NASP: variants seen among roughly 807,000 people sequenced by gnomAD.
The protein encoded by NASP is NASP histone chaperone.
Under a neutral mutation model 89.5 loss-of-function variants are expected in NASP, and 24 were observed. The observed-to-expected ratio is 0.27, with a 90% CI of 0.19 to 0.38. NASP has a LOEUF of 0.38. Among genes scored for constraint, NASP ranks in the 10% least tolerant of loss-of-function variants. NASP has a pLI of 1.00. For missense variants in NASP, 848 were observed against 921.4 expected (o/e 0.92, Z 1.03); for synonymous variants, 306 against 324.7 (o/e 0.94, Z 0.62).
chr1:45,592,441 TTTGGGTTCATGTG>T (rs1381309266), intron 2 of NASP, among the ~76,000 whole-genome samples: 1 of 152,222 alleles, frequency 6.6e-6, no homozygotes, highest in Non-Finnish European at 1.5e-5. Flanking sequence ...TGAGATAAAA[TTTGGGTTCATGTG>T]TTATGGAAAA....
At chr1:45,598,617 A>C (rs1176539781) in intron 2 of NASP, among the ~76,000 whole-genome samples, 1 of 152,114 alleles carries the variant, frequency 6.6e-6, no homozygotes, top group African/African-American at 2.4e-5. Flanking sequence ...TCCAGTCCCC[A>C]TATCTCTCCC....
intron 11 of NASP, 102 bp from the exon 12 acceptor site, chr1:45,616,235 A>G: frequency 3.7e-6 from 4 of 1,071,006 alleles, no homozygotes; most frequent in Non-Finnish European, 5.8e-6. Context: ...CTAGCATTTC[A>G]GGTCTTAGTC....
chr1:45,609,363 T>C (rs1643963518), intron 6 of NASP: 1 of 152,212 alleles, frequency 6.6e-6, no homozygotes, highest in East Asian at 1.9e-4. Flanking sequence ...CTTCTACCTA[T>C]GTGCAGGTCC....
chr1:45,591,391 G>C, intron 2 of NASP, 121 bp downstream of exon 2: 2 of 702,980 alleles, frequency 2.8e-6, no homozygotes, highest in Middle Eastern at 4.2e-4. Flanking sequence ...GTGTCGCTTT[G>C]TTGCTCAGGC....
At position 45,602,004 on chromosome 1, in the gene NASP, G is replaced by T. The variant is rs564883356; in HGVS notation, c.108-251G>T. Among the ~76,000 whole-genome samples, 6 of 151,792 alleles carry T rather than the reference G, an allele frequency of 4.0e-5. 1 individual carries two copies. The highest frequency in any genetic ancestry group is 4.2e-4 in the South Asian group (2 of 4,802). ...CCTGACCTCGTGGTCTGCCCGCCTC[G>T]GCCTCCCAAAGTGCTGGGATTACAG... On this transcript the variant is annotated intron_variant, in intron 2 of 14. Transcript: ENST00000350030.
At position 45,584,214 on chromosome 1, in the gene NASP, G is replaced by A. The variant is rs1471983451; in HGVS notation, c.59+9G>A. ...CTGGTTTCTGCCGACAAGTAAGCGGGACTGTGGAAAGCTTAAGGCACTGGC... is the reference window on the plus strand; with the variant it reads ...CTGGTTTCTGCCGACAAGTAAGCGGAACTGTGGAAAGCTTAAGGCACTGGC... On this transcript the variant is annotated intron_variant, in intron 1 of 14. Coordinates refer to ENST00000350030, the MANE Select transcript of NASP (RefSeq NM_002482.4). 13 of 1,580,556 alleles carry A rather than the reference G, an allele frequency of 8.2e-6. No homozygotes were observed. The highest frequency in any genetic ancestry group is 1.1e-5 in the Non-Finnish European group (13 of 1,162,862).
intron 2 of NASP, among the ~76,000 whole-genome samples, chr1:45,597,298 C>CTTTTT (rs71056314): frequency 0.011 from 1,105 of 99,764 alleles, 54 homozygotes; most frequent in African/African-American, 0.04. Flanking sequence ...CAGAGCAAGA[C>CTTTTT]TTTTTTTTTT....
chr1:45,604,329 CTT>C (rs1218585851), intron 3 of NASP, among the ~76,000 whole-genome samples: 1 of 152,206 alleles, frequency 6.6e-6, no homozygotes, highest in African/African-American at 2.4e-5. Context: ...ATAGCTAAGA[CTT>C]AATACACAGT....
chr1:45,604,076 G>T (rs1440490186), intron 3 of NASP, among the ~76,000 whole-genome samples: 1 of 152,098 alleles, frequency 6.6e-6, no homozygotes, highest in Non-Finnish European at 1.5e-5. Context: ...AGGAAAATTT[G>T]AGATGTCTTA....
chr1:45,588,331 T>A (rs1644587678), intron 1 of NASP, among the ~76,000 whole-genome samples: 2 of 152,168 alleles, frequency 1.3e-5, no homozygotes, highest in South Asian at 2.1e-4. Context: ...CTCGAACTCC[T>A]GACCTCAGGT....
chr1:45,593,015 A>G (rs1287635351), intron 2 of NASP, among the ~76,000 whole-genome samples: 2 of 152,192 alleles, frequency 1.3e-5, no homozygotes, highest in Admixed American at 6.5e-5. Context: ...TAATATATAG[A>G]TTTTGGATAA....
chr1:45,604,694 C>T (rs1643887720), intron 3 of NASP, among the ~76,000 whole-genome samples: 1 of 152,142 alleles, frequency 6.6e-6, no homozygotes, highest in Non-Finnish European at 1.5e-5. Context: ...TTTGGCCCTA[C>T]ATTATGTATT....
intron 2 of NASP, among the ~76,000 whole-genome samples, chr1:45,599,291 C>G (rs1643776454): frequency 6.6e-6 from 1 of 152,044 alleles, no homozygotes; most frequent in Admixed American, 6.6e-5. Flanking sequence ...GTGATGTCAG[C>G]TAATTTTTGT....
intron 11 of NASP, 53 bp downstream of exon 11, chr1:45,615,524 T>C: frequency 3.3e-6 from 5 of 1,526,800 alleles, no homozygotes; most frequent in Non-Finnish European, 4.4e-6. Flanking sequence ...TTTATGTTAA[T>C]GTTCTATTTG....
intron 3 of NASP, among the ~76,000 whole-genome samples, chr1:45,603,269 GT>G (rs1557658173): frequency 1.3e-5 from 2 of 152,194 alleles, no homozygotes; most frequent in African/African-American, 4.8e-5. Flanking sequence ...CGAGGTTTGA[GT>G]TTCCTCAAAT....
At chr1:45,608,958 C>T (rs542681239) in intron 6 of NASP, among the ~76,000 whole-genome samples, 14 of 152,094 alleles carry the variant, frequency 9.2e-5, no homozygotes, top group Non-Finnish European at 1.6e-4. Context: ...AACAGGCCCC[C>T]CCCACCTTCC....
chr1:45,616,540 G>A, intron 12 of NASP, 86 bp from the exon 13 acceptor site: 3 of 1,521,546 alleles, frequency 2.0e-6, no homozygotes, highest in Non-Finnish European at 2.7e-6. Context: ...GTGAGACCTT[G>A]TCTCTGAAAA....
intron 1 of NASP, among the ~76,000 whole-genome samples, chr1:45,585,899 A>G (rs1003656093): frequency 6.6e-6 from 1 of 152,090 alleles, no homozygotes; most frequent in African/African-American, 2.4e-5. Context: ...TTGGCCTCCC[A>G]AAGTGTTGAG....
chr1:45,614,414 G>A lies in NASP; in HGVS notation c.1666+48G>A, dbSNP rs147236886. The A allele has an allele frequency of 1.2e-3, 1,750 of 1,410,500 alleles. 3 individuals are homozygous for A. The highest frequency in any genetic ancestry group is 1.6e-3 in the Non-Finnish European group (1,620 of 995,244). 87.4% of individuals were successfully genotyped at this position (1,410,500 alleles called of 1,614,324 possible). A position where few individuals can be genotyped will look rare whatever the true frequency, so the allele number is the denominator to read the frequency against. On this transcript the variant is annotated intron_variant, in intron 9 of 14. Coordinates refer to ENST00000350030, the MANE Select transcript of NASP (RefSeq NM_002482.4). ...CTCTCCTACTCTCTTCAGCTCCCTC[G>A]TTCTTCCTCTAATAGATTCTCTGGA...
Sources: gnomAD v4.1 joint callset for allele counts (sites outside exome capture counted in the v4.1 genomes callset) on GRCh38, gnomAD v4.1.1 for gene constraint, MANE v1.5 for transcripts, NCBI Gene and HGNC (gene_info 2026-07-23, HGNC 2026-07-21) for gene names.